The following SPEF2 variants were observed in gnomAD, a reference collection of about 807,000 sequenced individuals.
SPEF2 encodes the protein sperm flagellar and cilia associated 2.
In SPEF2, 187 loss-of-function variants were observed where a neutral mutation model predicts 224.6. The ratio of observed to expected loss-of-function variants is 0.83; its 90% CI spans 0.74 to 0.94. The LOEUF (loss-of-function observed/expected upper bound fraction) is 0.94. Among genes scored for constraint, SPEF2 ranks in the 40% least tolerant of loss-of-function variants. The pLI is 0.00. For missense variants in SPEF2, 2,170 were observed against 2,135.6 expected, an observed-to-expected ratio of 1.02 and a Z score of -0.32; for synonymous variants, 715 against 707.3, an observed-to-expected ratio of 1.01 and a Z score of -0.17.
At chr5:35,704,454 C>T in intron 16 of SPEF2, 100 bp from the exon 17 acceptor site, 1 of 674,404 alleles carries the variant, frequency 1.5e-6, no homozygotes, top group Non-Finnish European at 2.6e-6. Context: ...GGACCAAATA[C>T]AGGACCGTAT....
rs144477950 is a variant in SPEF2 at position 35,667,204 on chromosome 5, G to A, written c.1300G>A (p.Asp434Asn). Residue 434 changes from aspartate to asparagine, a missense_variant, in exon 9 of 37, where the codon GAT (aspartate) becomes AAT (asparagine). Coordinates refer to ENST00000356031, the MANE Select transcript of SPEF2 (RefSeq NM_024867.4). The part of the protein sequence containing the change: ...KHYSVCAEIL[D>N]QIVDLSTKVA... ...TTATTCAGTATGTGCAGAAATTTTG[G>A]ATCAAATAGTTGATTTGTCCACTAA... 2.0e-5 allele frequency: 32 copies of A among 1,608,914 alleles called. No individual in the cohort carries two copies. The African/African-American group carries it at 2.1e-4, about 11-fold the overall frequency.
At chr5:35,666,437 G>C (rs1009441871) in intron 8 of SPEF2, among the ~76,000 whole-genome samples, 1 of 152,134 alleles carries the variant, frequency 6.6e-6, no homozygotes, top group Non-Finnish European at 1.5e-5. Context: ...CAAGCTAAGT[G>C]TTTCATTGCT....
At chr5:35,697,650 A>T in intron 14 of SPEF2, 40 bp from the exon 15 acceptor site, 1 of 1,526,126 alleles carries the variant, frequency 6.6e-7, no homozygotes, top group Non-Finnish European at 9.0e-7. Flanking sequence ...TTTGACTTTT[A>T]AATTAGCCAT....
intron 2 of SPEF2, among the ~76,000 whole-genome samples, chr5:35,638,188 A>G (rs1408892643): frequency 3.3e-5 from 5 of 152,164 alleles, no homozygotes; most frequent in Non-Finnish European, 2.9e-5. Flanking sequence ...AAATTAATGA[A>G]TGTCTACATT....
chr5:35,690,747 C>T (rs1162710470), intron 10 of SPEF2, among the ~76,000 whole-genome samples: 5 of 152,068 alleles, frequency 3.3e-5, no homozygotes, highest in Admixed American at 1.3e-4. Flanking sequence ...GTGATAACAT[C>T]AATTTAAATG....
At chr5:35,703,029 A>T (rs1738973811) in intron 16 of SPEF2, among the ~76,000 whole-genome samples, 1 of 151,770 alleles carries the variant, frequency 6.6e-6, no homozygotes, top group Non-Finnish European at 1.5e-5. Flanking sequence ...GAGTGAGTGG[A>T]GATAACTCCC....
At chr5:35,691,666 A>G (rs1488426567) in intron 11 of SPEF2, among the ~76,000 whole-genome samples, 1 of 152,202 alleles carries the variant, frequency 6.6e-6, no homozygotes. Context: ...AATTTCAGGA[A>G]CAAAATAATG....
intron 10 of SPEF2, among the ~76,000 whole-genome samples, chr5:35,689,779 GT>G (rs1754180482): frequency 6.6e-6 from 1 of 151,980 alleles, no homozygotes; most frequent in African/African-American, 2.4e-5. Context: ...TTGATTCCAT[GT>G]TTTTGTTATT....
intron 24 of SPEF2, among the ~76,000 whole-genome samples, chr5:35,759,000 T>C (rs1270943186): frequency 2.7e-5 from 1 of 36,464 alleles, no homozygotes; most frequent in African/African-American, 1.3e-4. Context: ...AGCAAGACTC[T>C]GTCTCAAAAA....
At chr5:35,751,385 AG>A (rs1488317348) in intron 23 of SPEF2, among the ~76,000 whole-genome samples, 24 of 151,130 alleles carry the variant, frequency 1.6e-4, no homozygotes, top group Admixed American at 1.6e-3. Context: ...TCATGTGATG[AG>A]TACAGCAAAA....
chr5:35,777,211 A>G (rs1170231860), intron 29 of SPEF2, among the ~76,000 whole-genome samples: 3 of 152,200 alleles, frequency 2.0e-5, no homozygotes, highest in East Asian at 1.9e-4. Flanking sequence ...ATTTTCATGT[A>G]AAAAGCAGCT....
intron 31 of SPEF2, 46 bp from the exon 32 acceptor site, chr5:35,793,113 A>T: frequency 6.5e-7 from 1 of 1,550,142 alleles, no homozygotes. Context: ...GAGCATCAAG[A>T]TAGATTCATG....
At chr5:35,704,374 G>A (rs1352310437) in intron 16 of SPEF2, among the ~76,000 whole-genome samples, 180 bp from the exon 17 acceptor site, 15 of 151,854 alleles carry the variant, frequency 9.9e-5, no homozygotes, top group Admixed American at 8.5e-4. Context: ...CAATTTCCAA[G>A]AAAACAATCG....
intron 30 of SPEF2, among the ~76,000 whole-genome samples, chr5:35,787,468 G>A (rs1755319694): frequency 6.6e-6 from 1 of 152,128 alleles, no homozygotes; most frequent in African/African-American, 2.4e-5. Context: ...CTAAAGTGAA[G>A]AAGAGCATAG....
Position 35,806,913 on chromosome 5 carries a change from A to C in SPEF2, c.5217A>C (p.Arg1739Ser), listed in dbSNP as rs555353539. 12 of 1,611,764 alleles carry C rather than the reference A, an allele frequency of 7.4e-6. No individual in the cohort carries two copies. In the Middle Eastern group the frequency reaches 5.0e-4, roughly 67 times the overall value. Reference protein sequence around the residue: ...KGGSEAQDSNRFASHLKIENI... With the variant: ...KGGSEAQDSNSFASHLKIENI... ...GAAGTGAAGCACAGGACTCCAATAG[A>C]TTTGCCAGCCACCTAAAGATAGAGA... Residue 1739 changes from arginine (R) to serine (S), a missense_variant, in exon 35 of 37, where the codon AGA becomes AGC. Transcript: ENST00000356031.
At chr5:35,643,179 C>A (rs1188995376) in intron 3 of SPEF2, among the ~76,000 whole-genome samples, 1 of 151,780 alleles carries the variant, frequency 6.6e-6, no homozygotes, top group Non-Finnish European at 1.5e-5. Flanking sequence ...AAACAAGTGC[C>A]TATTAGCTCA....
chr5:35,808,133 A>G, intron 36 of SPEF2: 1 of 989,002 alleles, frequency 1.0e-6, no homozygotes. Flanking sequence ...TCAGACTTAA[A>G]TATCTTCCTG....
intron 23 of SPEF2, among the ~76,000 whole-genome samples, chr5:35,746,747 T>G (rs552385140): frequency 3.9e-5 from 6 of 152,202 alleles, no homozygotes; most frequent in African/African-American, 1.4e-4. Context: ...GAAAACATAT[T>G]TAGAGGAATA....
intron 18 of SPEF2, among the ~76,000 whole-genome samples, chr5:35,708,632 T>TCAC (rs1561236145): frequency 1.5e-3 from 5 of 3,266 alleles, no homozygotes; most frequent in East Asian, 7.6e-3. Flanking sequence ...TCCACCACCA[T>TCAC]CACCTCTACC....
Sources: gnomAD v4.1 joint callset for allele counts (sites outside exome capture counted in the v4.1 genomes callset) on GRCh38, gnomAD v4.1.1 for gene constraint, MANE v1.5 for transcripts, NCBI Gene and HGNC (gene_info 2026-07-23, HGNC 2026-07-21) for gene names.